Variants in PCDHA6 observed in about 807,000 individuals in gnomAD.
PCDHA6 encodes protocadherin alpha 6.
Under a neutral mutation model 60.3 loss-of-function variants are expected in PCDHA6, and 55 were observed. The ratio of observed to expected loss-of-function variants is 0.91; its 90% CI spans 0.73 to 1.14. The LOEUF (loss-of-function observed/expected upper bound fraction) is 1.14, where lower values mean the gene tolerates loss of function less well. PCDHA6 is among the 50% of genes most tolerant of loss of function. The pLI is 0.00. For missense variants in PCDHA6, 1,327 were observed against 1,256.5 expected, an observed-to-expected ratio of 1.06 and a Z score of -0.85; for synonymous variants, 652 against 557.9, an observed-to-expected ratio of 1.17 and a Z score of -2.38.
At chr5:140,968,124 G>T (rs202202452) in intron 1 of PCDHA6, 1 of 1,614,126 alleles carries the variant, frequency 6.2e-7, no homozygotes, top group Non-Finnish European at 8.5e-7. Flanking sequence ...ACATCCCTGC[G>T]TACACTGAAG....
chr5:140,849,509 G>A, intron 1 of PCDHA6: 2 of 1,596,674 alleles, frequency 1.3e-6, no homozygotes, highest in Admixed American at 1.7e-5. Flanking sequence ...CACTTCTTGT[G>A]GAAGTTGTGG....
intron 1 of PCDHA6, chr5:140,855,749 C>T (rs2043605580): frequency 3.1e-6 from 1 of 325,346 alleles, no homozygotes. Context: ...TAATGTGAGG[C>T]TTTGAAAGTC....
At chr5:140,884,511 G>T (rs1202323930) in intron 1 of PCDHA6, 6 of 1,614,074 alleles carry the variant, frequency 3.7e-6, no homozygotes, top group African/African-American at 1.3e-5. Context: ...GCAGGGAGTT[G>T]GTCGTACTCG....
intron 1 of PCDHA6, chr5:140,928,746 C>A (rs782813323): frequency 6.2e-7 from 1 of 1,614,130 alleles, no homozygotes. Context: ...TAGGTGAGCT[C>A]CGTACTGCTC....
At chr5:140,835,310 T>C in intron 1 of PCDHA6, 1 of 1,613,100 alleles carries the variant, frequency 6.2e-7, no homozygotes, top group Non-Finnish European at 8.5e-7. Context: ...GACATATGGA[T>C]TTTGAAGAAA....
chr5:140,965,206 T>A (rs2095879920), intron 1 of PCDHA6, among the ~76,000 whole-genome samples: 1 of 152,238 alleles, frequency 6.6e-6, no homozygotes. Flanking sequence ...AGATTTCAAA[T>A]TCCTGTGGAA....
chr5:140,946,221 A>G (rs1287007358), intron 1 of PCDHA6, among the ~76,000 whole-genome samples: 2 of 152,214 alleles, frequency 1.3e-5, no homozygotes, highest in Admixed American at 6.5e-5. Context: ...ACCAACAGGT[A>G]TACTAAAAAA....
At chr5:140,986,163 G>A (rs1186387690) in intron 3 of PCDHA6, among the ~76,000 whole-genome samples, 1 of 152,212 alleles carries the variant, frequency 6.6e-6, no homozygotes, top group African/African-American at 2.4e-5. Flanking sequence ...AATGTTTTCT[G>A]CAGGATAAAC....
At chr5:140,953,127 G>T (rs909395659) in intron 1 of PCDHA6, among the ~76,000 whole-genome samples, 8 of 152,178 alleles carry the variant, frequency 5.3e-5, no homozygotes, top group African/African-American at 1.4e-4. Flanking sequence ...GATCTAAACC[G>T]TATCACTGTT....
chr5:140,887,722 T>C (rs1214089693), intron 1 of PCDHA6, among the ~76,000 whole-genome samples: 2 of 152,200 alleles, frequency 1.3e-5, no homozygotes, highest in Non-Finnish European at 2.9e-5. Context: ...AATAGTTTTT[T>C]CTTTCCTTCC....
chr5:140,846,555 T>C (rs1780556402), intron 1 of PCDHA6, among the ~76,000 whole-genome samples: 1 of 148,312 alleles, frequency 6.7e-6, no homozygotes, highest in Non-Finnish European at 1.5e-5. Flanking sequence ...TTTGTATTTT[T>C]AGTAGAGTCG....
chr5:140,900,518 C>G (rs1444768233), intron 1 of PCDHA6, among the ~76,000 whole-genome samples: 1 of 152,228 alleles, frequency 6.6e-6, no homozygotes, highest in Admixed American at 6.5e-5. Flanking sequence ...CTCAGGTGAT[C>G]TGCCCACCTC....
At chr5:140,886,746 A>C (rs2061113111) in intron 1 of PCDHA6, among the ~76,000 whole-genome samples, 1 of 151,722 alleles carries the variant, frequency 6.6e-6, no homozygotes. Context: ...GAATTGCTTG[A>C]ACCCGGGAGG....
Position 140,829,775 on chromosome 5 carries a change from G to A in PCDHA6, c.1684G>A (p.Ala562Thr), listed in dbSNP as rs1381710258. ...GTTCGTGCTGGACGAGAACGACAAC[G>A]CGCCGGCGCTGCTGGCGCCTCGGGT... ...QVFVLDENDN[A>T]PALLAPRVGG... The change falls in exon 1 of 4, where the codon GCG becomes ACG. Residue 562 changes from alanine to threonine, a missense_variant. Transcript: ENST00000529310. 6.2e-7 allele frequency: 1 copy of A among 1,613,800 alleles called. No homozygotes were observed. The highest frequency in any genetic ancestry group is 8.5e-7 in the Non-Finnish European group (1 of 1,179,866).
intron 1 of PCDHA6, among the ~76,000 whole-genome samples, chr5:140,908,703 C>T (rs751488038): frequency 5.9e-5 from 9 of 152,318 alleles, no homozygotes; most frequent in Non-Finnish European, 1.3e-4. Flanking sequence ...ACCTCAAGCA[C>T]CATTGGATCT....
intron 1 of PCDHA6, among the ~76,000 whole-genome samples, chr5:140,837,390 T>C (rs2150275262): frequency 6.6e-6 from 1 of 152,134 alleles, no homozygotes; most frequent in East Asian, 1.9e-4. Context: ...TGTTCCTTGT[T>C]TGTATAAGAA....
chr5:140,877,637 G>A (rs1554169943), intron 1 of PCDHA6: 1 of 1,613,520 alleles, frequency 6.2e-7, no homozygotes, highest in Non-Finnish European at 8.5e-7. Context: ...ACTGCGCTGC[G>A]TTGCTCAGCG....
At chr5:140,882,543 G>T (rs1357197569) in intron 1 of PCDHA6, 4 of 1,614,236 alleles carry the variant, frequency 2.5e-6, no homozygotes, top group Non-Finnish European at 3.4e-6. Context: ...CGGATCGACC[G>T]CGAGGAGCTG....
intron 1 of PCDHA6, among the ~76,000 whole-genome samples, chr5:140,941,198 TC>T (rs2092794663): frequency 1.7e-5 from 2 of 119,812 alleles, no homozygotes; most frequent in African/African-American, 6.9e-5. Context: ...TTTTTTTCTT[TC>T]TTCCTTTCTT....
Sources: gnomAD v4.1 joint callset for allele counts (sites outside exome capture counted in the v4.1 genomes callset) on GRCh38, gnomAD v4.1.1 for gene constraint, MANE v1.5 for transcripts, NCBI Gene and HGNC (gene_info 2026-07-23, HGNC 2026-07-21) for gene names.